The following ABCC9 variants were observed in gnomAD, a reference collection of about 807,000 sequenced individuals.
ABCC9 encodes ATP binding cassette subfamily C member 9, also known as ATP-binding cassette sub-family C member 9.
In ABCC9, 95 loss-of-function variants were observed where a neutral mutation model predicts 188.3. The observed-to-expected ratio is 0.50, with a 90% CI of 0.43 to 0.60. The LOEUF is 0.60. Among genes scored for constraint, ABCC9 ranks in the 20% least tolerant of loss-of-function variants. The probability of loss-of-function intolerance (pLI) is 0.00; values close to 1 mark genes in which losing one functional copy is unlikely to be tolerated. For missense variants in ABCC9, 1,102 were observed against 1,876.3 expected (o/e 0.59, Z 7.62); for synonymous variants, 659 against 652.7 (o/e 1.01, Z -0.15).
chr12:21,814,620 T>TA, intron 35 of ABCC9, 24 bp downstream of exon 35: 2 of 1,607,414 alleles, frequency 1.2e-6, no homozygotes, highest in Non-Finnish European at 1.7e-6. Context: ...AGTGGCCACT[T>TA]AAAAAATTTA....
rs145419136 is a variant in ABCC9, at chr12:21,929,930, C to T, written c.284+3852G>A. 2.8e-3 allele frequency among the ~76,000 whole-genome samples: 421 copies of T among 151,918 alleles called. 9 individuals carry two copies. The East Asian group carries it at 0.044, about 16-fold the overall frequency. On this transcript the variant is annotated intron_variant, in intron 4 of 39. Transcript: ENST00000261200. ...ACATGTGCCATGTTGGTGTGCTGCA[C>T]CTATTAACTCGTCATTTACATTAGG... is the stretch of plus-strand genomic sequence containing the variant.
At chr12:21,837,681 T>G (rs989854194) in intron 30 of ABCC9, among the ~76,000 whole-genome samples, 1 of 152,188 alleles carries the variant, frequency 6.6e-6, no homozygotes, top group Admixed American at 6.5e-5. Flanking sequence ...TATACATTTA[T>G]TTTAACTTGT....
chr12:21,936,732 T>C (rs1393909689), intron 2 of ABCC9, 38 bp from the exon 3 acceptor site: 7 of 1,455,382 alleles, frequency 4.8e-6, no homozygotes, highest in Admixed American at 3.5e-5. Context: ...AATCCTCTTA[T>C]TAGTAAACTC....
Position 21,829,426 on chromosome 12 carries a change from C to T in ABCC9, c.3567-366G>A, listed in dbSNP as rs112143135. ...CCGTGTTAGCCAGGATGGTCTCGAT[C>T]TCCTGACCTTGTGATCCGCCCACCT... On this transcript the variant is annotated intron_variant, in intron 30 of 39. Coordinates refer to ENST00000261200, the MANE Select transcript of ABCC9 (RefSeq NM_020297.4). Among the ~76,000 whole-genome samples the T allele has an allele frequency of 4.7e-3, 721 of 152,194 alleles. 3 individuals are homozygous for T. The highest frequency in any genetic ancestry group is 7.8e-3 in the Non-Finnish European group (532 of 68,006).
chr12:21,893,704 G>T (rs1309972559), intron 14 of ABCC9, among the ~76,000 whole-genome samples: 3 of 151,972 alleles, frequency 2.0e-5, no homozygotes, highest in Non-Finnish European at 4.4e-5. Context: ...CAATTAAAAG[G>T]TAATTGTTAA....
chr12:21,919,595 C>T (rs7137250), intron 5 of ABCC9, among the ~76,000 whole-genome samples: 93,110 of 151,590 alleles, frequency 0.61, 28,843 homozygotes, highest in East Asian at 0.8. Flanking sequence ...TTAGACATAA[C>T]ACTCTGTCTA....
chr12:21,871,256 A>C (rs1044337861), intron 18 of ABCC9, among the ~76,000 whole-genome samples: 3 of 152,186 alleles, frequency 2.0e-5, no homozygotes, highest in Non-Finnish European at 4.4e-5. Flanking sequence ...GACTGACACC[A>C]TCTACTGCCT....
chr12:21,934,509 C>T (rs1949411318), intron 3 of ABCC9, among the ~76,000 whole-genome samples: 1 of 151,976 alleles, frequency 6.6e-6, no homozygotes, highest in Non-Finnish European at 1.5e-5. Flanking sequence ...AGCTCAAAAC[C>T]ATTATAGGTC....
chr12:21,827,146 T>C, intron 31 of ABCC9: 1 of 985,426 alleles, frequency 1.0e-6, no homozygotes, highest in Non-Finnish European at 1.2e-6. Flanking sequence ...CAAACTAAAC[T>C]AAACAATTTT....
intron 37 of ABCC9, among the ~76,000 whole-genome samples, chr12:21,808,807 T>C (rs1353043620): frequency 7.9e-6 from 1 of 127,208 alleles, no homozygotes; most frequent in African/African-American, 2.9e-5. Context: ...AAAGAAAAAA[T>C]CATTATGGAA....
intron 36 of ABCC9, among the ~76,000 whole-genome samples, chr12:21,811,011 C>T (rs1032215946): frequency 4.6e-5 from 7 of 152,052 alleles, no homozygotes; most frequent in African/African-American, 1.7e-4. Context: ...TATCATTTTG[C>T]TCTGTGTTCC....
intron 12 of ABCC9, among the ~76,000 whole-genome samples, chr12:21,897,478 A>G (rs933255702): frequency 9.8e-5 from 15 of 152,340 alleles, no homozygotes; most frequent in Non-Finnish European, 1.9e-4. Flanking sequence ...ACATAGTGCC[A>G]GAGATGGAGT....
chr12:21,802,292 A>G (rs759433295), intron 39 of ABCC9, among the ~76,000 whole-genome samples: 1 of 152,188 alleles, frequency 6.6e-6, no homozygotes, highest in African/African-American at 2.4e-5. Context: ...CAAATAATAA[A>G]TGTCAACTAC....
chr12:21,809,860 C>A lies in ABCC9; in HGVS notation c.4307G>T (p.Gly1436Val). 6.3e-7 allele frequency: 1 copy of A among 1,599,866 alleles called. No homozygotes were observed. The highest frequency in any genetic ancestry group is 8.6e-7 in the Non-Finnish European group (1 of 1,168,406). Residue 1436 changes from glycine to valine, a missense_variant, in exon 37 of 40, where the codon GGA becomes GTA. Gly to Val is a moderately radical substitution (Grantham distance 109). Transcript: ENST00000261200. The part of the protein sequence containing the change: ...QLKNMVKSLP[G>V]GLDAVVTEGG... Reference sequence around the variant, plus strand: ...CTATTTAGGAAATATACCTAGACCTCCAGGTAGAGATTTGACCATATTCTT... The same window carrying A: ...CTATTTAGGAAATATACCTAGACCTACAGGTAGAGATTTGACCATATTCTT...
chr12:21,807,905 C>CT (rs1941967166), intron 37 of ABCC9, among the ~76,000 whole-genome samples: 1 of 152,052 alleles, frequency 6.6e-6, no homozygotes, highest in Non-Finnish European at 1.5e-5. Flanking sequence ...ATTATACCAT[C>CT]TTTCTGGACT....
chr12:21,878,686 T>C (rs975725499), intron 16 of ABCC9, among the ~76,000 whole-genome samples: 1 of 152,178 alleles, frequency 6.6e-6, no homozygotes, highest in Non-Finnish European at 1.5e-5. Context: ...ACCATAGCTT[T>C]ATGAGTGTGA....
chr12:21,825,619 A>T (rs1443480765), intron 31 of ABCC9, among the ~76,000 whole-genome samples: 1 of 151,592 alleles, frequency 6.6e-6, no homozygotes, highest in East Asian at 1.9e-4. Flanking sequence ...CAGGGAGGGG[A>T]ACATTATACA....
Position 21,801,127 on chromosome 12 carries a change from T to G in ABCC9, c.4567A>C (p.Asn1523His). 1 of 1,614,026 alleles carries G rather than the reference T, an allele frequency of 6.2e-7. No individual in the cohort carries two copies. The highest frequency in any genetic ancestry group is 8.5e-7 in the Non-Finnish European group (1 of 1,179,934). The change falls in exon 40 of 40, where the codon AAT (asparagine) becomes CAT (histidine). Residue 1523 changes from asparagine to histidine, a missense_variant. By Grantham distance (68) the Asn-to-His change is moderately conservative (BLOSUM62 1). Transcript: ENST00000261200. ...ADLVIVMKRG[N>H]ILEYDTPESL... Reference sequence around the variant, plus strand: ...TCTGGAGTGTCATATTCTAAAATATTTCCTCGCTTCATCACAATAACCAGG... The same window carrying G: ...TCTGGAGTGTCATATTCTAAAATATGTCCTCGCTTCATCACAATAACCAGG...
chr12:21,869,348 A>C (rs1051586034), intron 18 of ABCC9, among the ~76,000 whole-genome samples: 3 of 152,110 alleles, frequency 2.0e-5, no homozygotes, highest in Admixed American at 1.3e-4. Flanking sequence ...AACTACCTTC[A>C]TCTCTCATCT....
Sources: gnomAD v4.1 joint callset for allele counts (sites outside exome capture counted in the v4.1 genomes callset) on GRCh38, gnomAD v4.1.1 for gene constraint, MANE v1.5 for transcripts, NCBI Gene and HGNC (gene_info 2026-07-23, HGNC 2026-07-21) for gene names.